The following TMEM131L variants were observed in gnomAD, a reference collection of about 807,000 sequenced individuals.
TMEM131L encodes transmembrane protein 131-like.
TMEM131L carries 54 observed loss-of-function variants against 192.2 expected under a neutral mutation model. The ratio of observed to expected loss-of-function variants is 0.28; its 90% CI spans 0.23 to 0.35. The LOEUF is 0.35. Among genes scored for constraint, TMEM131L ranks in the 10% least tolerant of loss-of-function variants. TMEM131L has a pLI of 1.00. For missense variants in TMEM131L, 1,888 were observed against 1,972.9 expected, an observed-to-expected ratio of 0.96 and a Z score of 0.82; for synonymous variants, 701 against 704.9, an observed-to-expected ratio of 0.99 and a Z score of 0.09.
At chr4:153,529,232 G>A (rs1735719825) in intron 3 of TMEM131L, among the ~76,000 whole-genome samples, 1 of 152,026 alleles carries the variant, frequency 6.6e-6, no homozygotes, top group African/African-American at 2.4e-5. Context: ...TACTTGCACT[G>A]GTAAAAGAAA....
At chr4:153,611,954 A>G (rs536673316) in intron 25 of TMEM131L, among the ~76,000 whole-genome samples, 8 of 152,328 alleles carry the variant, frequency 5.3e-5, no homozygotes, top group Non-Finnish European at 7.3e-5. Context: ...TTATCCGTCA[A>G]TGGACACTTG....
At chr4:153,609,279 G>C (rs1468265718) in intron 25 of TMEM131L, among the ~76,000 whole-genome samples, 1 of 152,166 alleles carries the variant, frequency 6.6e-6, no homozygotes, top group African/African-American at 2.4e-5. Context: ...GTGGGAGCAG[G>C]AGGAAGAGAG....
intron 14 of TMEM131L, among the ~76,000 whole-genome samples, chr4:153,587,355 T>C (rs1177732694): frequency 3.3e-5 from 5 of 152,158 alleles, no homozygotes; most frequent in Non-Finnish European, 5.9e-5. Flanking sequence ...TTCTGACCAC[T>C]GAGAATGTCC....
chr4:153,633,231 T>C (rs1167114732), intron 32 of TMEM131L: 2 of 172,428 alleles, frequency 1.2e-5, no homozygotes, highest in Non-Finnish European at 2.5e-5. Context: ...TTATTTATTT[T>C]TTAGAGACAG....
At position 153,483,369 on chromosome 4, in the gene TMEM131L, G is replaced by A. The variant is rs73854693; in HGVS notation, c.239+9481G>A. The stretch of plus-strand genomic sequence containing the variant: ...AATGGAATCATTCAGTAAGATGTGC[G>A]TTCTGAAGAAAGAGCTAGACAAATC... On this transcript the variant is annotated intron_variant, in intron 3 of 34. Coordinates refer to ENST00000409959, the MANE Select transcript of TMEM131L (RefSeq NM_001131007.2). 8.4e-3 allele frequency among the ~76,000 whole-genome samples: 1,285 copies of A among 152,214 alleles called. 6 individuals carry two copies. The highest frequency in any genetic ancestry group is 0.011 in the Non-Finnish European group (778 of 68,022).
At chr4:153,504,266 C>CTTTT (rs531620464) in intron 3 of TMEM131L, among the ~76,000 whole-genome samples, 2 of 42,630 alleles carry the variant, frequency 4.7e-5, no homozygotes, top group African/African-American at 9.6e-5. Flanking sequence ...CGCGGTCGGC[C>CTTTT]TTTTTTTTTT....
intron 19 of TMEM131L, among the ~76,000 whole-genome samples, chr4:153,595,151 C>G (rs1731341938): frequency 6.6e-6 from 1 of 152,134 alleles, no homozygotes; most frequent in Non-Finnish European, 1.5e-5. Flanking sequence ...GCCTTGAAAA[C>G]ACTGAGTTAA....
chr4:153,490,536 G>A (rs779163367), intron 3 of TMEM131L, among the ~76,000 whole-genome samples: 2 of 152,138 alleles, frequency 1.3e-5, no homozygotes, highest in Non-Finnish European at 2.9e-5. Flanking sequence ...CCACTTTCAG[G>A]TAATATAGTT....
intron 29 of TMEM131L, among the ~76,000 whole-genome samples, chr4:153,625,505 C>T (rs180912483): frequency 3.3e-5 from 5 of 152,144 alleles, no homozygotes. Context: ...TGTACAGTAG[C>T]ATAGTATGCA....
intron 29 of TMEM131L, among the ~76,000 whole-genome samples, chr4:153,623,496 A>G (rs76305747): frequency 0.013 from 2,040 of 152,266 alleles, 20 homozygotes; most frequent in Middle Eastern, 0.048. Context: ...CCATGAAACA[A>G]TAACTCTGCA....
intron 3 of TMEM131L, among the ~76,000 whole-genome samples, chr4:153,541,769 G>A (rs181171931): frequency 5.9e-5 from 9 of 152,306 alleles, no homozygotes; most frequent in East Asian, 3.9e-4. Context: ...AAACCAAGCC[G>A]GCAAAAAGAG....
chr4:153,626,871 T>C (rs1334171637), intron 30 of TMEM131L, among the ~76,000 whole-genome samples: 1 of 152,246 alleles, frequency 6.6e-6, no homozygotes, highest in African/African-American at 2.4e-5. Flanking sequence ...TGAGCATTGA[T>C]AATTGAGGAA....
chr4:153,522,842 C>T (rs1020175905), intron 3 of TMEM131L, among the ~76,000 whole-genome samples: 5 of 152,132 alleles, frequency 3.3e-5, no homozygotes, highest in African/African-American at 1.2e-4. Context: ...GGAGGGCCTC[C>T]CCATCCTCCC....
At chr4:153,564,313 A>C (rs1428172431) in intron 7 of TMEM131L, among the ~76,000 whole-genome samples, 1 of 150,240 alleles carries the variant, frequency 6.7e-6, no homozygotes, top group Non-Finnish European at 1.5e-5. Context: ...AAAAAAAAAA[A>C]AGGCCCAAGG....
chr4:153,519,768 T>TAGA (rs1734980367), intron 3 of TMEM131L, among the ~76,000 whole-genome samples: 1 of 152,212 alleles, frequency 6.6e-6, no homozygotes, highest in African/African-American at 2.4e-5. Context: ...TCTGCATTTC[T>TAGA]AGGAAGATGG....
At chr4:153,593,941 G>A in intron 19 of TMEM131L, 70 bp downstream of exon 19, 1 of 994,574 alleles carries the variant, frequency 1.0e-6, no homozygotes. Context: ...GGGCCTCATT[G>A]ATTTATGTTT....
At chr4:153,479,782 G>C (rs1731790235) in intron 3 of TMEM131L, among the ~76,000 whole-genome samples, 1 of 152,200 alleles carries the variant, frequency 6.6e-6, no homozygotes, top group South Asian at 2.1e-4. Flanking sequence ...TCATTGTCCT[G>C]TCAGCAACAT....
At chr4:153,508,945 A>G (rs1323791605) in intron 3 of TMEM131L, among the ~76,000 whole-genome samples, 1 of 152,078 alleles carries the variant, frequency 6.6e-6, no homozygotes, top group Non-Finnish European at 1.5e-5. Context: ...CGCCCAGCCT[A>G]GTGTTTTTCT....
chr4:153,488,509 A>T (rs1273791834), intron 3 of TMEM131L, among the ~76,000 whole-genome samples: 2 of 152,186 alleles, frequency 1.3e-5, no homozygotes, highest in Non-Finnish European at 2.9e-5. Flanking sequence ...GGCCTGGGAT[A>T]GCCCAGCCTG....
Sources: allele counts gnomAD v4.1 joint callset (sites outside exome capture counted in the v4.1 genomes callset), GRCh38; gene constraint gnomAD v4.1.1; transcripts MANE v1.5; gene names NCBI Gene and HGNC (gene_info 2026-07-23, HGNC 2026-07-21).